The following JAKMIP3 variants were observed in gnomAD, a reference collection of about 807,000 sequenced individuals.
JAKMIP3 encodes the protein janus kinase and microtubule-interacting protein 3.
In JAKMIP3, 58 loss-of-function variants were observed where a neutral mutation model predicts 118.5. The ratio of observed to expected loss-of-function variants is 0.49; its 90% CI spans 0.40 to 0.61. The LOEUF is 0.61. JAKMIP3 is among the 20% of genes least tolerant of loss of function. JAKMIP3 has a pLI of 0.00. For synonymous variants in JAKMIP3, 486 were observed against 451.2 expected, an observed-to-expected ratio of 1.08 and a Z score of -0.98; for missense variants, 950 against 1,109.0, an observed-to-expected ratio of 0.86 and a Z score of 2.04.
intron 1 of JAKMIP3, among the ~76,000 whole-genome samples, chr10:132,039,318 C>A (rs1367086146): frequency 6.6e-6 from 1 of 152,038 alleles, no homozygotes; most frequent in Non-Finnish European, 1.5e-5. Flanking sequence ...GATTCAGGAA[C>A]TTAGTCACCT....
intron 14 of JAKMIP3, among the ~76,000 whole-genome samples, chr10:132,148,623 G>C (rs1037229871): frequency 1.3e-4 from 20 of 152,260 alleles, no homozygotes; most frequent in Admixed American, 1.3e-4. Flanking sequence ...AGTGAGGACA[G>C]TGGGGGCCAC....
At chr10:132,047,880 C>T (rs1426900243) in intron 1 of JAKMIP3, among the ~76,000 whole-genome samples, 4 of 152,144 alleles carry the variant, frequency 2.6e-5, no homozygotes, top group Middle Eastern at 6.8e-3. Flanking sequence ...CCCCCCGCCC[C>T]GCCCCCCGCG....
At chr10:132,145,325 C>T in intron 12 of JAKMIP3, 135 bp downstream of exon 12, 2 of 901,378 alleles carry the variant, frequency 2.2e-6, no homozygotes, top group South Asian at 1.7e-5. Context: ...GCCATCCTCC[C>T]ACCTCAGCCT....
At chr10:132,166,001 C>T (rs1440378170) in intron 21 of JAKMIP3, among the ~76,000 whole-genome samples, 1 of 152,218 alleles carries the variant, frequency 6.6e-6, no homozygotes, top group Non-Finnish European at 1.5e-5. Context: ...GCATCTTAAC[C>T]TAAGGATATT....
At chr10:132,060,747 C>A (rs2038369140), upstream of JAKMIP3, among the ~76,000 whole-genome samples, 1 of 152,188 alleles carries the variant, frequency 6.6e-6, no homozygotes, top group Non-Finnish European at 1.5e-5. Flanking sequence ...TGGCCAGGTG[C>A]AGTGGCTCAC....
chr10:132,134,920 G>A lies in JAKMIP3; in HGVS notation c.850-121G>A, dbSNP rs1220007382. 34 of 1,246,818 alleles carry A rather than the reference G, an allele frequency of 2.7e-5. No homozygotes were observed. The East Asian group carries it at 4.9e-4, about 18-fold the overall frequency. The allele number at this position is 1,246,818 out of a possible 1,614,324, so 77.2% of individuals were successfully genotyped here. A position where few individuals can be genotyped will look rare whatever the true frequency, so the allele number is the denominator to read the frequency against. ...GGGGCTCCGAACCTTCCCGGCAGCC[G>A]CGTGGAGGTAAAGGCGCGCGTCCCA... On this transcript the variant is annotated intron_variant, in intron 4 of 23. Coordinates refer to ENST00000684848, the MANE Select transcript of JAKMIP3 (RefSeq NM_001323087.2).
At position 132,116,305 on chromosome 10, in the gene JAKMIP3, C is replaced by T. The variant is rs564472606; in HGVS notation, c.136-772C>T. On this transcript the variant is annotated intron_variant, in intron 2 of 23. Coordinates refer to ENST00000684848, the MANE Select transcript of JAKMIP3 (RefSeq NM_001323087.2). The stretch of plus-strand genomic sequence containing the variant: ...TCAGTGATTTTCAAAAAAATCTTCC[C>T]CAAGTGCACATTCAGATGTGTGAGT... Among the ~76,000 whole-genome samples the T allele has an allele frequency of 2.0e-5, 3 of 152,360 alleles. No homozygotes were observed. The South Asian group carries it at 6.2e-4, about 32-fold the overall frequency.
At chr10:132,129,057 GATGTGTTGTGAGGCTGCGCATT>G (rs1215108235) in intron 3 of JAKMIP3, among the ~76,000 whole-genome samples, 1 of 152,180 alleles carries the variant, frequency 6.6e-6, no homozygotes, top group Non-Finnish European at 1.5e-5. Flanking sequence ...CACTGTGGGT[GATGTGTTGTGAGGCTGCGCATT>G]ATGTTATTGT....
In JAKMIP3 at chr10:132,133,491, TG is replaced by T; in HGVS notation, c.815del (p.Gly272ValfsTer31). 6.3e-7 allele frequency: 1 copy of T among 1,578,206 alleles called. No homozygotes were observed. Among genetic ancestry groups the T allele is most frequent in the Admixed American group, 1.8e-5 (1 of 54,672 alleles). Reference protein sequence around the residue: ...SPRRELPHAAGAGDASDHSGS... With the variant: ...SPRRELPHAAXAGDASDHSGS... Reference sequence around the variant, plus strand: ...CCAGACGGGAACTTCCTCATGCAGCTGGTGCAGGAGACGCTTCAGACCACTC... The same window carrying T: ...CCAGACGGGAACTTCCTCATGCAGCTGTGCAGGAGACGCTTCAGACCACTC... On this transcript the variant is annotated frameshift_variant, in exon 4 of 24. Coordinates refer to ENST00000684848, the MANE Select transcript of JAKMIP3 (RefSeq NM_001323087.2).
At chr10:132,137,955 G>C (rs868371647) in intron 8 of JAKMIP3, among the ~76,000 whole-genome samples, 164 bp from the exon 9 acceptor site, 1 of 151,556 alleles carries the variant, frequency 6.6e-6, no homozygotes, top group South Asian at 2.1e-4. Flanking sequence ...AGCTCCCCGA[G>C]GAGCAGAGCT....
intron 1 of JAKMIP3, among the ~76,000 whole-genome samples, chr10:132,055,539 A>T (rs1193461858): frequency 2.0e-5 from 3 of 152,192 alleles, no homozygotes; most frequent in Non-Finnish European, 4.4e-5. Context: ...ATGAAATGGG[A>T]TTGGGAAGCA....
intron 20 of JAKMIP3, 89 bp from the exon 21 acceptor site, chr10:132,164,581 G>A (rs533460876): frequency 1.6e-5 from 14 of 896,610 alleles, no homozygotes; most frequent in Non-Finnish European, 2.5e-5. Flanking sequence ...GCGACGATCT[G>A]TTACCAAGGA....
Position 132,073,652 on chromosome 10 carries a change from A to G in JAKMIP3, c.-138+7591A>G, listed in dbSNP as rs549847667. 3.0e-4 allele frequency among the ~76,000 whole-genome samples: 46 copies of G among 152,176 alleles called. 1 individual carries two copies. In the South Asian group the frequency reaches 9.3e-3, roughly 31 times the overall value. On this transcript the variant is annotated intron_variant, in intron 1 of 23. Coordinates refer to ENST00000684848, the MANE Select transcript of JAKMIP3 (RefSeq NM_001323087.2). ...GCTTGGACTATAGGTGTACACCACC[A>G]TAACTGGCTATTTTTTTGTCTTTTC... is the stretch of plus-strand genomic sequence containing the variant.
In JAKMIP3 at chr10:132,117,492, C is replaced by A. The variant is rs778281162; in HGVS notation, c.551C>A (p.Ala184Glu). 4.3e-6 allele frequency: 7 copies of A among 1,612,354 alleles called. No homozygotes were observed. Among genetic ancestry groups the A allele is most frequent in the South Asian group, 1.1e-5 (1 of 90,896 alleles). ...LVIQADKIKA[A>E]EIRSVYHLHQ... The stretch of plus-strand genomic sequence containing the variant: ...ATCCAAGCGGACAAGATCAAGGCCG[C>A]AGAGATCCGCAGCGTGTACCACCTG... Residue 184 changes from alanine to glutamate, a missense_variant, in exon 3 of 24, where the codon GCA (alanine) becomes GAA (glutamate). Physicochemically the swap from Ala to Glu is moderately radical, Grantham distance 107. Coordinates refer to ENST00000684848, the MANE Select transcript of JAKMIP3 (RefSeq NM_001323087.2). This position sits in a 1 kb window ranked among gnomAD's most constrained non-coding sequence, Gnocchi z 8.6.
chr10:132,135,217 C>T, intron 5 of JAKMIP3, 57 bp downstream of exon 5: 1 of 1,525,406 alleles, frequency 6.6e-7, no homozygotes, highest in Non-Finnish European at 8.9e-7. Context: ...GAGCTGGGGA[C>T]CTGGGGGGCA....
Position 132,182,938 on chromosome 10 carries a change from A to T in JAKMIP3, c.*1685A>T, listed in dbSNP as rs1290356706. The T allele has an allele frequency of 6.6e-6, 1 of 152,136 alleles. No homozygotes were observed. Among genetic ancestry groups the T allele is most frequent in the Non-Finnish European group, 1.5e-5 (1 of 68,022 alleles). The allele number at this position is 152,136 out of a possible 1,614,324, so 9.4% of individuals were successfully genotyped here. ...TGCACTATTAATCAGCACTTGTCCA[A>T]GAAAGACCCATCCATTTCTGTTGTC... On this transcript the variant is annotated 3_prime_UTR_variant, in exon 24 of 24. Transcript: ENST00000684848.
In JAKMIP3 at chr10:132,180,710, C is replaced by CGCGT. The variant is rs1429832672; in HGVS notation, c.*1104-1646_*1104-1645insCGTG. Among the ~76,000 whole-genome samples the CGCGT allele has an allele frequency of 4.0e-3, 38 of 9,468 alleles. 3 individuals carry two copies. Among genetic ancestry groups the CGCGT allele is most frequent in the Non-Finnish European group, 4.7e-3 (25 of 5,342 alleles). 6.2% of individuals were successfully genotyped at this position (9,468 alleles called of 152,430 possible). ...GTGTGTGCGTGCGTGTGTGTGTGCGCGTGTGTGTGCGTGTGTGTGCGTGTG... is the reference window on the plus strand; with the variant it reads ...GTGTGTGCGTGCGTGTGTGTGTGCGCGCGTGTGTGTGTGCGTGTGTGTGCGTGTG... On this transcript the variant is annotated intron_variant, in intron 23 of 23. Transcript: ENST00000684848.
chr10:132,036,404 G>C (rs372107441), upstream of JAKMIP3, among the ~76,000 whole-genome samples: 7 of 152,234 alleles, frequency 4.6e-5, no homozygotes, highest in East Asian at 1.3e-3. Context: ...CGGCCTGAGC[G>C]GCGGGTGAGT....
chr10:132,079,543 C>G (rs1202423087), intron 1 of JAKMIP3, among the ~76,000 whole-genome samples: 4 of 152,174 alleles, frequency 2.6e-5, no homozygotes, highest in South Asian at 2.1e-4. Flanking sequence ...ATAAAAGAAT[C>G]AAGATTCGTA....
Sources: allele counts gnomAD v4.1 joint callset (sites outside exome capture counted in the v4.1 genomes callset), GRCh38; gene constraint gnomAD v4.1.1; non-coding constraint Gnocchi (gnomAD v3.1); transcripts MANE v1.5; gene names NCBI Gene and HGNC (gene_info 2026-07-23, HGNC 2026-07-21).